The following CCDC170 variants were observed in gnomAD, a reference collection of about 807,000 sequenced individuals.
CCDC170 encodes coiled-coil domain containing 170, also known as coiled-coil domain-containing protein 170.
Under a neutral mutation model 72.6 loss-of-function variants are expected in CCDC170, and 69 were observed. That is an observed-to-expected ratio of 0.95 (90% CI 0.78 to 1.16). The LOEUF (loss-of-function observed/expected upper bound fraction) is 1.16, where lower values mean the gene tolerates loss of function less well. Among genes scored for constraint, CCDC170 ranks in the 50% most tolerant of loss-of-function variants. The pLI, the probability that CCDC170 is intolerant of heterozygous loss-of-function variation, is 0.00. For synonymous variants in CCDC170, 300 were observed against 303.9 expected, an observed-to-expected ratio of 0.99 and a Z score of 0.13; for missense variants, 852 against 832.5, an observed-to-expected ratio of 1.02 and a Z score of -0.29.
chr6:151,560,141 A>G (rs1355837712), intron 5 of CCDC170, among the ~76,000 whole-genome samples: 1 of 152,164 alleles, frequency 6.6e-6, no homozygotes, highest in East Asian at 1.9e-4. Context: ...TGTATCCCAG[A>G]GGTTTTGATA....
At chr6:151,591,903 G>A (rs888685895) in intron 7 of CCDC170, among the ~76,000 whole-genome samples, 4 of 152,190 alleles carry the variant, frequency 2.6e-5, no homozygotes, top group African/African-American at 9.6e-5. Flanking sequence ...AGTTTGGAGT[G>A]CTCTGTAGAG....
chr6:151,517,558 G>A (rs2115030821), intron 1 of CCDC170, among the ~76,000 whole-genome samples: 1 of 151,232 alleles, frequency 6.6e-6, no homozygotes, highest in East Asian at 2.0e-4. Flanking sequence ...TCAGTCTCCT[G>A]AGTAGCTGAG....
At chr6:151,613,447 T>C (rs1386034643) in intron 9 of CCDC170, among the ~76,000 whole-genome samples, 3 of 152,204 alleles carry the variant, frequency 2.0e-5, no homozygotes, top group Admixed American at 6.5e-5. Flanking sequence ...TGCACATATA[T>C]AGCAAATGGC....
chr6:151,608,543 G>T (rs1456230323), intron 9 of CCDC170, among the ~76,000 whole-genome samples: 1 of 152,222 alleles, frequency 6.6e-6, no homozygotes, highest in African/African-American at 2.4e-5. Context: ...GGGTACCGTT[G>T]TGTAGTCTCT....
chr6:151,548,030 A>C (rs9397059), intron 4 of CCDC170, among the ~76,000 whole-genome samples: 1 of 152,062 alleles, frequency 6.6e-6, no homozygotes, highest in African/African-American at 2.4e-5. Flanking sequence ...ACCTTACCTG[A>C]TGTATTTAGC....
chr6:151,555,661 G>A (rs1332568302), intron 5 of CCDC170, among the ~76,000 whole-genome samples: 1 of 152,132 alleles, frequency 6.6e-6, no homozygotes, highest in Non-Finnish European at 1.5e-5. Context: ...GTTCCGTATT[G>A]TAGCAAGTCA....
intron 5 of CCDC170, among the ~76,000 whole-genome samples, chr6:151,552,159 G>A (rs1005805797): frequency 6.6e-6 from 1 of 151,960 alleles, no homozygotes; most frequent in African/African-American, 2.4e-5. Flanking sequence ...TTAAAAGTTG[G>A]ATCTAGAGGC....
chr6:151,538,271 A>G lies in CCDC170; in HGVS notation c.413A>G (p.Lys138Arg). The change falls in exon 3 of 11, where the codon AAG becomes AGG. Residue 138 changes from lysine (K) to arginine (R), a missense_variant. Transcript: ENST00000239374. ...ATCAAGGAGAACCAGGAATTAAAGAAGAAAGTTGTAGAGTTAAATGAAAAA... is the reference window on the plus strand; with the variant it reads ...ATCAAGGAGAACCAGGAATTAAAGAGGAAAGTTGTAGAGTTAAATGAAAAA... Reference protein sequence around the residue: ...AAIKENQELKKKVVELNEKLQ... With the variant: ...AAIKENQELKRKVVELNEKLQ... The G allele has an allele frequency of 1.2e-6, 2 of 1,613,736 alleles. No homozygotes were observed. The highest frequency in any genetic ancestry group is 1.1e-5 in the South Asian group (1 of 91,070).
intron 5 of CCDC170, among the ~76,000 whole-genome samples, chr6:151,552,273 G>A (rs921248209): frequency 6.6e-6 from 1 of 151,504 alleles, no homozygotes; most frequent in Admixed American, 6.6e-5. Flanking sequence ...CACTGCTGGT[G>A]ACGATAAGTT....
chr6:151,510,762 G>A (rs1782135388), intron 1 of CCDC170, among the ~76,000 whole-genome samples: 1 of 150,620 alleles, frequency 6.6e-6, no homozygotes, highest in Non-Finnish European at 1.5e-5. Context: ...TTTTTATAGA[G>A]TCTCGCTTTG....
chr6:151,562,833 T>C (rs1302696970), intron 5 of CCDC170, among the ~76,000 whole-genome samples: 2 of 151,624 alleles, frequency 1.3e-5, no homozygotes, highest in East Asian at 1.9e-4. Context: ...TGGGAAGAGA[T>C]GGTGTTGAGG....
chr6:151,611,763 G>A (rs1042976477), intron 9 of CCDC170, among the ~76,000 whole-genome samples: 1 of 152,144 alleles, frequency 6.6e-6, no homozygotes, highest in Non-Finnish European at 1.5e-5. Context: ...CCAGGCTGGA[G>A]TGAATGGTGT....
At chr6:151,548,614 A>G (rs541838583) in intron 5 of CCDC170, 125 bp downstream of exon 5, 25 of 818,468 alleles carry the variant, frequency 3.1e-5, no homozygotes, top group Non-Finnish European at 3.9e-5. Context: ...TCACAATTTT[A>G]AGAGCCTGCA....
chr6:151,523,304 T>G (rs1048380104), intron 1 of CCDC170, among the ~76,000 whole-genome samples: 3 of 152,158 alleles, frequency 2.0e-5, no homozygotes, highest in Admixed American at 6.5e-5. Flanking sequence ...AAGGATTTAG[T>G]GCATCACAGA....
At chr6:151,607,913 C>T (rs1229838980) in intron 9 of CCDC170, among the ~76,000 whole-genome samples, 1 of 152,180 alleles carries the variant, frequency 6.6e-6, no homozygotes, top group African/African-American at 2.4e-5. Flanking sequence ...ACTAGTATTT[C>T]ATTGAATAGG....
chr6:151,617,374 G>C (rs1776984428), intron 10 of CCDC170, among the ~76,000 whole-genome samples: 1 of 119,954 alleles, frequency 8.3e-6, no homozygotes, highest in Non-Finnish European at 1.8e-5. Context: ...AAGTCCTCCT[G>C]TTTTCATTAG....
intron 1 of CCDC170, among the ~76,000 whole-genome samples, chr6:151,497,361 A>G (rs1272286863): frequency 6.6e-6 from 1 of 152,186 alleles, no homozygotes; most frequent in Non-Finnish European, 1.5e-5. Context: ...AGCCTGGGCA[A>G]CAGAACAAGA....
In CCDC170 at chr6:151,593,190, C is replaced by T. The variant is rs113968720; in HGVS notation, c.1377C>T (p.Asp459=). 217 of 1,614,090 alleles carry T rather than the reference C, an allele frequency of 1.3e-4. No individual in the cohort carries two copies. The highest frequency in any genetic ancestry group is 1.0e-3 in the African/African-American group (76 of 75,006). The change falls in exon 8 of 11, where the codon GAC becomes GAT. Residue 459 remains aspartate (D), a synonymous_variant. Coordinates refer to ENST00000239374, the MANE Select transcript of CCDC170 (RefSeq NM_025059.4). ...AACTTGGCTTTGACATGCGGCTGGA[C>T]GTGGTTTTAGCTCGAACAGAGCAGC... ...AAELGFDMRL[D]VVLARTEQLV...
chr6:151,501,951 T>G (rs994841220), intron 1 of CCDC170, among the ~76,000 whole-genome samples: 1 of 152,244 alleles, frequency 6.6e-6, no homozygotes, highest in African/African-American at 2.4e-5. Flanking sequence ...CTTCCAACTT[T>G]CTTTCCTTTG....
Sources: allele counts gnomAD v4.1 joint callset (sites outside exome capture counted in the v4.1 genomes callset), GRCh38; gene constraint gnomAD v4.1.1; transcripts MANE v1.5; gene names NCBI Gene and HGNC (gene_info 2026-07-23, HGNC 2026-07-21).